The following TIAM2 variants were observed in gnomAD, a reference collection of about 807,000 sequenced individuals.
TIAM2 encodes TIAM Rac1 associated GEF 2.
In TIAM2, 80 loss-of-function variants were observed where a neutral mutation model predicts 152.9. That is an observed-to-expected ratio of 0.52 (90% CI 0.44 to 0.63). The LOEUF is 0.63. TIAM2 is among the 30% of genes least tolerant of loss of function. The pLI, the probability that TIAM2 is intolerant of heterozygous loss-of-function variation, is 0.00. For missense variants in TIAM2, 1,965 were observed against 2,120.1 expected, an observed-to-expected ratio of 0.93 and a Z score of 1.44; for synonymous variants, 804 against 838.0, an observed-to-expected ratio of 0.96 and a Z score of 0.70.
At chr6:155,035,226 A>G (rs1346481464) in intron 1 of TIAM2, among the ~76,000 whole-genome samples, 4 of 137,002 alleles carry the variant, frequency 2.9e-5, no homozygotes, top group Non-Finnish European at 6.3e-5. Context: ...GTATCGTCCT[A>G]TTTTTTTTTT....
chr6:154,999,750 G>T lies in TIAM2; in HGVS notation c.-209+4258G>T, dbSNP rs547750336. On this transcript the variant is annotated intron_variant, in intron 1 of 26. Coordinates refer to ENST00000682666, the MANE Select transcript of TIAM2 (RefSeq NM_012454.4). Reference sequence around the variant, plus strand: ...TGCTGTGGTGCCATCTTGGCTCACTGCAACTTCTGCCTCCCGGGTCCTGGT... The same window carrying T: ...TGCTGTGGTGCCATCTTGGCTCACTTCAACTTCTGCCTCCCGGGTCCTGGT... Among the ~76,000 whole-genome samples, 13 of 151,658 alleles carry T rather than the reference G, an allele frequency of 8.6e-5. No homozygotes were observed. In the East Asian group the frequency reaches 2.6e-3, roughly 30 times the overall value.
intron 14 of TIAM2, among the ~76,000 whole-genome samples, chr6:155,190,950 T>G (rs1369566295): frequency 1.3e-5 from 2 of 152,230 alleles, no homozygotes; most frequent in African/African-American, 2.4e-5. Context: ...GGCTTGAAAA[T>G]GAATTCTATT....
chr6:155,065,501 A>G (rs943171811), intron 1 of TIAM2, among the ~76,000 whole-genome samples: 47 of 152,000 alleles, frequency 3.1e-4, no homozygotes, highest in African/African-American at 1.1e-3. Context: ...TTTTAGGTCC[A>G]GCGCAGTGGC....
At chr6:155,163,648 A>G (rs148196251) in intron 7 of TIAM2, among the ~76,000 whole-genome samples, 1 of 152,200 alleles carries the variant, frequency 6.6e-6, no homozygotes, top group Non-Finnish European at 1.5e-5. Context: ...TTTGCTTCTT[A>G]TTGTTTTGAG....
chr6:155,122,124 C>T (rs1779167159), intron 2 of TIAM2: 1 of 152,336 alleles, frequency 6.6e-6, no homozygotes, highest in Non-Finnish European at 1.5e-5. Flanking sequence ...GCTGTTTTTC[C>T]CCGGGACTCA....
intron 23 of TIAM2, 94 bp from the exon 24 acceptor site, chr6:155,252,854 C>A: frequency 8.5e-7 from 1 of 1,176,680 alleles, no homozygotes; most frequent in Non-Finnish European, 1.2e-6. Context: ...GAGACTCGCC[C>A]ACAGGGAGAA....
chr6:155,015,236 T>A (rs1349023356), intron 1 of TIAM2, among the ~76,000 whole-genome samples: 1 of 152,114 alleles, frequency 6.6e-6, no homozygotes, highest in Non-Finnish European at 1.5e-5. Flanking sequence ...CCTGTGTACC[T>A]GTGGTAAGGA....
chr6:155,250,665 T>G, intron 21 of TIAM2: 2 of 1,514,004 alleles, frequency 1.3e-6, no homozygotes, highest in South Asian at 2.4e-5. Flanking sequence ...TCACAAGGCA[T>G]GTCTCACCTA....
At chr6:155,243,164 C>G (rs1420982245) in intron 16 of TIAM2, among the ~76,000 whole-genome samples, 1 of 152,168 alleles carries the variant, frequency 6.6e-6, no homozygotes, top group East Asian at 1.9e-4. Context: ...TAGAGTTTAG[C>G]CATTAGAGCT....
intron 2 of TIAM2, among the ~76,000 whole-genome samples, chr6:155,102,288 C>T (rs1015988652): frequency 1.3e-5 from 2 of 152,134 alleles, no homozygotes; most frequent in African/African-American, 2.4e-5. Context: ...CTGCATCTGG[C>T]CTAGAACTTA....
At chr6:155,248,425 C>T (rs930307126) in intron 20 of TIAM2, among the ~76,000 whole-genome samples, 5 of 152,242 alleles carry the variant, frequency 3.3e-5, no homozygotes, top group African/African-American at 9.6e-5. Flanking sequence ...GCGCCATACT[C>T]CTCCTATGCA....
At chr6:155,169,421 T>C (rs1780523361) in intron 9 of TIAM2, among the ~76,000 whole-genome samples, 1 of 152,246 alleles carries the variant, frequency 6.6e-6, no homozygotes, top group Admixed American at 6.5e-5. Context: ...CCAAGCATTT[T>C]GGAGGTATCT....
At chr6:155,221,352 G>A (rs899030870) in intron 15 of TIAM2, among the ~76,000 whole-genome samples, 3 of 152,114 alleles carry the variant, frequency 2.0e-5, no homozygotes, top group African/African-American at 2.4e-5. Flanking sequence ...CATCCTGCTG[G>A]GACAGTGATG....
chr6:155,227,032 C>G (rs1782273149), intron 15 of TIAM2, among the ~76,000 whole-genome samples: 1 of 152,230 alleles, frequency 6.6e-6, no homozygotes, highest in African/African-American at 2.4e-5. Flanking sequence ...GGAGAGTTAA[C>G]TAGAAGGATT....
chr6:155,129,590 C>CT lies in TIAM2; in HGVS notation c.368dup (p.Ala124GlyfsTer3). 1.2e-6 allele frequency: 2 copies of CT among 1,614,148 alleles called. No individual in the cohort carries two copies. Among genetic ancestry groups the CT allele is most frequent in the Non-Finnish European group, 1.7e-6 (2 of 1,180,042 alleles). The stretch of plus-strand genomic sequence containing the variant: ...TGGCTTCCACTCTGTTGGCCACGAG[C>CT]TGGCAGATAACCACATCACCTCCAG... On this transcript the variant is annotated frameshift_variant, in exon 4 of 27. Coordinates refer to ENST00000682666, the MANE Select transcript of TIAM2 (RefSeq NM_012454.4). LOFTEE classifies it high-confidence loss of function. The surrounding 1 kb of genome is among the most constrained non-coding windows in gnomAD (Gnocchi z 4.8).
intron 2 of TIAM2, among the ~76,000 whole-genome samples, chr6:155,100,564 C>T (rs909788138): frequency 6.6e-6 from 1 of 152,136 alleles, no homozygotes; most frequent in African/African-American, 2.4e-5. Context: ...TTCATTAATT[C>T]GTTCATTCAT....
At chr6:155,137,143 A>C in intron 4 of TIAM2, 34 bp from the exon 5 acceptor site, 1 of 1,595,590 alleles carries the variant, frequency 6.3e-7, no homozygotes, top group Non-Finnish European at 8.6e-7. Flanking sequence ...GATAGCCGTA[A>C]GCTCTGATGG....
intron 6 of TIAM2, among the ~76,000 whole-genome samples, chr6:155,146,780 T>TC (rs2115063043): frequency 6.6e-6 from 1 of 151,180 alleles, no homozygotes; most frequent in African/African-American, 2.4e-5. Context: ...TTTTTTTTTT[T>TC]TTTTTTTTTT....
rs1399016660 is a variant in TIAM2, at chr6:155,218,417, C to T, written c.3168+7110C>T. ...AGGCAGTGGTATGTTGGAAAGAACTCGACCTGATGCTTAAACCTGAATTTG... is the reference window on the plus strand; with the variant it reads ...AGGCAGTGGTATGTTGGAAAGAACTTGACCTGATGCTTAAACCTGAATTTG... On this transcript the variant is annotated intron_variant, in intron 15 of 26. Coordinates refer to ENST00000682666, the MANE Select transcript of TIAM2 (RefSeq NM_012454.4). This position sits in a 1 kb window ranked among gnomAD's most constrained non-coding sequence, Gnocchi z 4.5. 1.3e-5 allele frequency among the ~76,000 whole-genome samples: 2 copies of T among 152,156 alleles called. No individual in the cohort carries two copies. Among genetic ancestry groups the T allele is most frequent in the East Asian group, 3.9e-4 (2 of 5,194 alleles).
Sources: gnomAD v4.1 joint callset for allele counts (sites outside exome capture counted in the v4.1 genomes callset) on GRCh38, gnomAD v4.1.1 for gene constraint, Gnocchi (gnomAD v3.1) non-coding constraint, MANE v1.5 for transcripts, NCBI Gene and HGNC (gene_info 2026-07-23, HGNC 2026-07-21) for gene names.